The following DCST1 variants were observed in gnomAD, a reference collection of about 807,000 sequenced individuals.
The protein encoded by DCST1 is E3 ubiquitin-protein ligase DCST1.
Under a neutral mutation model 89.1 loss-of-function variants are expected in DCST1, and 78 were observed. The ratio of observed to expected loss-of-function variants is 0.88; its 90% confidence interval spans 0.73 to 1.06. The LOEUF is 1.06. DCST1 is among the 50% of genes least tolerant of loss of function. The probability of loss-of-function intolerance (pLI) is 0.00; values close to 1 mark genes in which losing one functional copy is unlikely to be tolerated. For missense variants in DCST1, 900 were observed against 928.6 expected (o/e 0.97, Z 0.40); for synonymous variants, 364 against 371.9 (o/e 0.98, Z 0.24).
chr1:155,038,628 C>A (rs1275593566), intron 4 of DCST1, among the ~76,000 whole-genome samples: 5 of 152,186 alleles, frequency 3.3e-5, no homozygotes, highest in Admixed American at 1.3e-4. Context: ...TTCCTTTGGC[C>A]TGGAATGCCA....
intron 4 of DCST1, 150 bp from the exon 5 acceptor site, chr1:155,039,253 A>G: frequency 1.1e-6 from 1 of 897,328 alleles, no homozygotes; most frequent in Non-Finnish European, 1.6e-6. Context: ...TGAGTGGCCC[A>G]GCAGGTCTAT....
Position 155,046,343 on chromosome 1 carries a change from TC to T in DCST1, c.1369-15del. The T allele has an allele frequency of 6.2e-7, 1 of 1,614,122 alleles. No individual in the cohort carries two copies. The highest frequency in any genetic ancestry group is 8.5e-7 in the Non-Finnish European group (1 of 1,180,016). Reference sequence around the variant, plus strand: ...AGATGGCACTGCCCAGCTCTGCCCCTCCTGCTCCTTGGCCAGGTGAGGGAGC... The same window carrying T: ...AGATGGCACTGCCCAGCTCTGCCCCTCTGCTCCTTGGCCAGGTGAGGGAGC... On this transcript the variant is annotated splice_polypyrimidine_tract_variant and intron_variant, in intron 12 of 16. Coordinates refer to ENST00000295542, the MANE Select transcript of DCST1 (RefSeq NM_152494.4).
At chr1:155,045,124 C>G (rs542131360) in intron 10 of DCST1, 4 of 152,276 alleles carry the variant, frequency 2.6e-5, no homozygotes, top group East Asian at 1.9e-4. Context: ...TTTGCACTTA[C>G]AGTAGTTTTA....
rs748245976 is a variant in DCST1, at chr1:155,047,925, C to T, written c.1751C>T (p.Pro584Leu). The T allele has an allele frequency of 5.6e-6, 9 of 1,614,106 alleles. No individual in the cohort carries two copies. Among genetic ancestry groups the T allele is most frequent in the Non-Finnish European group, 5.1e-6 (6 of 1,179,994 alleles). The change falls in exon 15 of 17, where the codon CCC becomes CTC. Residue 584 changes from proline to leucine, a missense_variant. Coordinates refer to ENST00000295542, the MANE Select transcript of DCST1 (RefSeq NM_152494.4). Reference sequence around the variant, plus strand: ...AGGGTCATCGCAGCCTTCTACTTCCCCAAGGTTTGCCCCTCCCCAGACCTC... The same window carrying T: ...AGGGTCATCGCAGCCTTCTACTTCCTCAAGGTTTGCCCCTCCCCAGACCTC... The part of the protein sequence containing the change: ...LRRVIAAFYF[P>L]KREKKRILFL...
At chr1:155,046,928 C>T (rs1168268915) in intron 13 of DCST1, among the ~76,000 whole-genome samples, 8 of 152,096 alleles carry the variant, frequency 5.3e-5, no homozygotes, top group Non-Finnish European at 1.2e-4. Context: ...TTCTTTTCCC[C>T]TTTCTGTGAT....
intron 4 of DCST1, 40 bp downstream of exon 4, chr1:155,034,767 G>A (rs1558105229): frequency 3.7e-6 from 6 of 1,608,408 alleles, no homozygotes; most frequent in Non-Finnish European, 5.1e-6. Flanking sequence ...CAAGCGGCCT[G>A]TGGAACACAG....
At chr1:155,043,269 T>C in intron 9 of DCST1, 83 bp from the exon 10 acceptor site, 10 of 1,601,722 alleles carry the variant, frequency 6.2e-6, no homozygotes, top group Non-Finnish European at 8.5e-6. Context: ...AGTGGGGTAC[T>C]GGGGAACAGA....
intron 6 of DCST1, 42 bp downstream of exon 6, chr1:155,040,666 C>G (rs202067580): frequency 6.6e-7 from 1 of 1,515,996 alleles, no homozygotes; most frequent in African/African-American, 1.4e-5. Flanking sequence ...GTCCCTCTCC[C>G]TGGGGCCAAG....
intron 13 of DCST1, 81 bp from the exon 14 acceptor site, chr1:155,047,115 C>T: frequency 9.0e-7 from 1 of 1,114,386 alleles, no homozygotes; most frequent in East Asian, 2.4e-5. Context: ...GTGTCTTGAC[C>T]CCTCCCTGAC....
intron 9 of DCST1, among the ~76,000 whole-genome samples, 176 bp from the exon 10 acceptor site, chr1:155,043,176 G>A (rs1660486401): frequency 6.6e-6 from 1 of 152,132 alleles, no homozygotes; most frequent in East Asian, 1.9e-4. Context: ...TGTAGGTGCA[G>A]GGGAGCAAGA....
Position 155,050,677 on chromosome 1 carries a change from C to G in DCST1, c.1930C>G (p.Arg644Gly), listed in dbSNP as rs375340068. The change falls in exon 17 of 17, where the codon CGG (arginine) becomes GGG (glycine). Residue 644 changes from arginine to glycine, a missense_variant. By Grantham distance (125) the Arg-to-Gly change is moderately radical (BLOSUM62 -2). Coordinates refer to ENST00000295542, the MANE Select transcript of DCST1 (RefSeq NM_152494.4). ...GCPLLRRWLC[R>G]RCVVCQAPET... ...CCCGCTCCTGCGCCGCTGGCTGTGC[C>G]GGCGCTGCGTGGTGTGCCAGGCACC... 3.7e-6 allele frequency: 6 copies of G among 1,602,428 alleles called. No individual in the cohort carries two copies. The highest frequency in any genetic ancestry group is 5.1e-6 in the Non-Finnish European group (6 of 1,176,282).
At position 155,043,437 on chromosome 1, in the gene DCST1, A is replaced by G; in HGVS notation, c.1100A>G (p.Glu367Gly). 6.2e-7 allele frequency: 1 copy of G among 1,613,410 alleles called. No homozygotes were observed. Among genetic ancestry groups the G allele is most frequent in the Non-Finnish European group, 8.5e-7 (1 of 1,179,760 alleles). The change falls in exon 10 of 17, where the codon GAG becomes GGG. Residue 367 changes from glutamate to glycine, a missense_variant. Coordinates refer to ENST00000295542, the MANE Select transcript of DCST1 (RefSeq NM_152494.4). ...GTGCGGGACTACGTGTACCGCCAGG[A>G]GGCCCGGCTGGAGTGGGCCCTGGGG... ...TEVRDYVYRQEARLEWALGLL... is the reference protein window; with the variant it reads ...TEVRDYVYRQGARLEWALGLL...
At chr1:155,035,911 CAA>C (rs954104691) in intron 4 of DCST1, among the ~76,000 whole-genome samples, 7 of 152,042 alleles carry the variant, frequency 4.6e-5, no homozygotes, top group African/African-American at 1.7e-4. Context: ...GCCTGGGTGA[CAA>C]GAGCGAAAGG....
At chr1:155,041,195 G>A (rs967931385) in intron 6 of DCST1, among the ~76,000 whole-genome samples, 3 of 152,176 alleles carry the variant, frequency 2.0e-5, no homozygotes, top group Non-Finnish European at 2.9e-5. Context: ...TGTGGCATCA[G>A]ACAAGGCAGC....
At chr1:155,049,813 T>C (rs1331271305) in intron 16 of DCST1, among the ~76,000 whole-genome samples, 1 of 152,188 alleles carries the variant, frequency 6.6e-6, no homozygotes, top group East Asian at 1.9e-4. Context: ...AAGAACATGC[T>C]GGGATTCCTT....
chr1:155,037,546 C>A lies in DCST1; in HGVS notation c.263-1857C>A, dbSNP rs1428634610. 1.3e-5 allele frequency among the ~76,000 whole-genome samples: 2 copies of A among 151,128 alleles called. 1 individual carries two copies. Among genetic ancestry groups the A allele is most frequent in the Non-Finnish European group, 2.9e-5 (2 of 67,950 alleles). ...GCAATCTCCGCCTCCCGGGTTCAAG[C>A]AATTCTCCTGCCTCAAACTCCTGAG... On this transcript the variant is annotated intron_variant, in intron 4 of 16. Transcript: ENST00000295542.
chr1:155,034,750 GAACAC>G (rs1660219262), intron 4 of DCST1, 23 bp downstream of exon 4: 2 of 1,613,542 alleles, frequency 1.2e-6, no homozygotes, highest in South Asian at 2.2e-5. Flanking sequence ...CAAAAGCCAG[GAACAC>G]TCAAGCGGCC....
In DCST1 at chr1:155,046,494, C is replaced by G; in HGVS notation, c.1495+8C>G. 1 of 1,613,798 alleles carries G rather than the reference C, an allele frequency of 6.2e-7. No homozygotes were observed. The highest frequency in any genetic ancestry group is 8.5e-7 in the Non-Finnish European group (1 of 1,179,974). ...TGCAGTACTCCTTCCGCAGTAAGCC[C>G]ATCCCCCAGACACATTCCAGGCCCA... On this transcript the variant is annotated splice_region_variant and intron_variant, in intron 13 of 16. Coordinates refer to ENST00000295542, the MANE Select transcript of DCST1 (RefSeq NM_152494.4).
chr1:155,039,990 CAAAAAAAAAAAAAAAAAAA>C (rs55764638), intron 5 of DCST1, among the ~76,000 whole-genome samples: 1 of 13,396 alleles, frequency 7.5e-5, no homozygotes, highest in African/African-American at 4.0e-4. Context: ...GACTCCGTCT[CAAAAAAAAAAAAAAAAAAA>C]AAAAAAAAAA....
Sources: gnomAD v4.1 joint callset for allele counts (sites outside exome capture counted in the v4.1 genomes callset) on GRCh38, gnomAD v4.1.1 for gene constraint, MANE v1.5 for transcripts, NCBI Gene and HGNC (gene_info 2026-07-23, HGNC 2026-07-21) for gene names.